The following IFT43 variants were observed in gnomAD, a reference collection of about 807,000 sequenced individuals.
The protein encoded by IFT43 is intraflagellar transport protein 43 homolog.
IFT43 carries 33 observed loss-of-function variants against 32.3 expected under a neutral mutation model. That is an observed-to-expected ratio of 1.02 (90% confidence interval 0.77 to 1.37). The LOEUF is 1.37. IFT43 is among the 40% of genes most tolerant of loss of function. The pLI is 0.00. For missense variants in IFT43, 274 were observed against 265.9 expected, an observed-to-expected ratio of 1.03 and a Z score of -0.21; for synonymous variants, 93 against 98.2, an observed-to-expected ratio of 0.95 and a Z score of 0.31.
At chr14:76,009,575 G>C (rs1337373749) in intron 2 of IFT43, among the ~76,000 whole-genome samples, 1 of 152,108 alleles carries the variant, frequency 6.6e-6, no homozygotes, top group Non-Finnish European at 1.5e-5. Context: ...TAAGTGTTTG[G>C]TGTTGCCATT....
intron 3 of IFT43, among the ~76,000 whole-genome samples, chr14:76,026,244 C>A (rs1455697000): frequency 6.6e-6 from 1 of 152,122 alleles, no homozygotes; most frequent in Non-Finnish European, 1.5e-5. Flanking sequence ...TTGCACCAGT[C>A]AGAATGGCAG....
intron 5 of IFT43, among the ~76,000 whole-genome samples, chr14:76,071,911 A>ACCC (rs569612638): frequency 6.6e-6 from 1 of 150,570 alleles, no homozygotes; most frequent in African/African-American, 2.4e-5. Flanking sequence ...GTGTCTCCTA[A>ACCC]CCCCCCCTGC....
At chr14:76,062,379 G>A (rs896554495) in intron 5 of IFT43, among the ~76,000 whole-genome samples, 2 of 151,898 alleles carry the variant, frequency 1.3e-5, no homozygotes, top group African/African-American at 4.8e-5. Flanking sequence ...CTGTTTTTCT[G>A]CTTCTTTACA....
chr14:76,010,742 C>A (rs2036068027), intron 2 of IFT43, among the ~76,000 whole-genome samples: 3 of 152,052 alleles, frequency 2.0e-5, no homozygotes. Context: ...GAATAATTTC[C>A]TAACACTATT....
intron 5 of IFT43, 143 bp from the exon 6 acceptor site, chr14:76,082,152 C>G (rs1008971879): frequency 5.1e-6 from 4 of 786,682 alleles, no homozygotes; most frequent in South Asian, 1.4e-5. Flanking sequence ...TTGATCCTAC[C>G]CCTAGTTTGT....
intron 1 of IFT43, chr14:75,986,381 C>A (rs913202005): frequency 1.1e-6 from 1 of 898,404 alleles, no homozygotes; most frequent in Non-Finnish European, 1.5e-6. Flanking sequence ...CGATTTGTAA[C>A]GTGAGGGAGT....
At chr14:75,994,261 C>G (rs964721815) in intron 2 of IFT43, among the ~76,000 whole-genome samples, 2 of 152,012 alleles carry the variant, frequency 1.3e-5, no homozygotes, top group Admixed American at 1.3e-4. Flanking sequence ...TGATCTTTTC[C>G]TTCTGATTGT....
chr14:76,082,499 G>A, intron 6 of IFT43, 118 bp from the exon 7 acceptor site: 2 of 1,336,008 alleles, frequency 1.5e-6, no homozygotes, highest in Non-Finnish European at 2.2e-6. Flanking sequence ...TTCCCATTTT[G>A]TTATTCCCAT....
At chr14:76,012,836 C>G (rs1047629926) in intron 2 of IFT43, among the ~76,000 whole-genome samples, 2 of 152,198 alleles carry the variant, frequency 1.3e-5, no homozygotes, top group Non-Finnish European at 2.9e-5. Flanking sequence ...AATCATTTGT[C>G]CAGCTGTTGT....
At chr14:75,989,623 A>G (rs1480112256) in intron 2 of IFT43, among the ~76,000 whole-genome samples, 1 of 152,172 alleles carries the variant, frequency 6.6e-6, no homozygotes, top group Non-Finnish European at 1.5e-5. Flanking sequence ...GCTCTTCTCT[A>G]ACCTCTCCAG....
intron 2 of IFT43, among the ~76,000 whole-genome samples, chr14:76,013,460 G>C (rs866553594): frequency 2.0e-5 from 3 of 152,178 alleles, no homozygotes. Context: ...GTCATAAAAC[G>C]AGCAACAGCA....
rs751183646 is a variant in IFT43 at position 75,985,811 on chromosome 14, G to T, written c.25G>T (p.Glu9Ter). The T allele has an allele frequency of 6.8e-6, 11 of 1,614,052 alleles. No homozygotes were observed. The highest frequency in any genetic ancestry group is 9.3e-6 in the Non-Finnish European group (11 of 1,180,018). Residue 9 changes from glutamate (E) to a stop codon, truncating the protein, a stop_gained, in exon 1 of 9, where the codon GAG becomes TAG. Coordinates refer to ENST00000314067, the MANE Select transcript of IFT43 (RefSeq NM_001102564.3). LOFTEE classifies it high-confidence loss of function. ...GATGGAGGATTTGCTCGACTTGGAC[G>T]AGGAGCTTCGCTACAGCTTGGCTAC... The part of the protein sequence containing the change: MEDLLDLD[E>*]ELRYSLATSR...
At chr14:76,044,049 T>A (rs2036757602) in intron 3 of IFT43, among the ~76,000 whole-genome samples, 2 of 152,022 alleles carry the variant, frequency 1.3e-5, no homozygotes, top group South Asian at 2.1e-4. Flanking sequence ...TTCTCTTTTT[T>A]TTTTGGTTTT....
intron 3 of IFT43, among the ~76,000 whole-genome samples, chr14:76,040,805 G>A (rs887549686): frequency 3.9e-5 from 6 of 152,236 alleles, no homozygotes; most frequent in African/African-American, 1.4e-4. Context: ...ACCCCAGTCA[G>A]TTCTCTCCCT....
chr14:75,986,959 G>C (rs2035541954), intron 1 of IFT43, among the ~76,000 whole-genome samples: 1 of 152,148 alleles, frequency 6.6e-6, no homozygotes, highest in South Asian at 2.1e-4. Flanking sequence ...ATACAGCAAT[G>C]AATAAAGCAA....
chr14:76,064,155 C>T (rs1446162443), intron 5 of IFT43, among the ~76,000 whole-genome samples: 11 of 152,202 alleles, frequency 7.2e-5, no homozygotes, highest in Non-Finnish European at 1.5e-5. Flanking sequence ...CATGACAGAT[C>T]TTCCTCCTTA....
intron 2 of IFT43, among the ~76,000 whole-genome samples, chr14:76,009,768 C>T (rs114594659): frequency 1.3e-5 from 2 of 151,550 alleles, no homozygotes; most frequent in South Asian, 2.1e-4. Context: ...GACTAGAAGC[C>T]AGAAGCCAGA....
At chr14:75,999,275 A>ATTTTTTT (rs1566699717) in intron 2 of IFT43, among the ~76,000 whole-genome samples, 1 of 18,398 alleles carries the variant, frequency 5.4e-5, no homozygotes, top group African/African-American at 2.0e-4. Context: ...ATATATATGT[A>ATTTTTTT]TATATATTTT....
At chr14:76,001,726 T>C (rs2035889481) in intron 2 of IFT43, among the ~76,000 whole-genome samples, 1 of 152,204 alleles carries the variant, frequency 6.6e-6, no homozygotes, top group African/African-American at 2.4e-5. Context: ...GACATTTATT[T>C]TCTCGCACTT....
Sources: allele counts gnomAD v4.1 joint callset (sites outside exome capture counted in the v4.1 genomes callset), GRCh38; gene constraint gnomAD v4.1.1; transcripts MANE v1.5; gene names NCBI Gene and HGNC (gene_info 2026-07-23, HGNC 2026-07-21).